The following ADGRF3 variants were observed in gnomAD, a reference collection of about 807,000 sequenced individuals.
ADGRF3 encodes adhesion G protein-coupled receptor F3.
A neutral mutation model predicts 93.2 loss-of-function variants in ADGRF3; 85 were observed. The ratio of observed to expected loss-of-function variants is 0.91; its 90% confidence interval spans 0.77 to 1.09. ADGRF3 has a LOEUF of 1.09. ADGRF3 is among the 50% of genes least tolerant of loss of function. ADGRF3 has a pLI of 0.00. For synonymous variants in ADGRF3, 534 were observed against 532.5 expected (o/e 1.00, Z -0.04); for missense variants, 1,125 against 1,246.2 (o/e 0.90, Z 1.46).
chr2:26,321,946 C>G (rs1675171382), intron 1 of ADGRF3, among the ~76,000 whole-genome samples: 1 of 138,268 alleles, frequency 7.2e-6, no homozygotes, highest in Non-Finnish European at 1.5e-5. Context: ...GCACTCCAGC[C>G]TGGGTGACAG....
intron 1 of ADGRF3, 71 bp downstream of exon 1, chr2:26,346,050 G>C: frequency 6.9e-7 from 1 of 1,457,042 alleles, no homozygotes; most frequent in Non-Finnish European, 9.2e-7. Flanking sequence ...GGCTGCGCTT[G>C]CGCACTGAGA....
intron 4 of ADGRF3, among the ~76,000 whole-genome samples, 179 bp from the exon 5 acceptor site, chr2:26,315,919 T>C (rs1168146584): frequency 2.0e-5 from 3 of 152,198 alleles, no homozygotes; most frequent in Non-Finnish European, 4.4e-5. Flanking sequence ...CAATCCAGCC[T>C]GGAAGACTCT....
At chr2:26,329,851 C>A (rs1462901435) in intron 1 of ADGRF3, among the ~76,000 whole-genome samples, 1 of 152,126 alleles carries the variant, frequency 6.6e-6, no homozygotes, top group African/African-American at 2.4e-5. Flanking sequence ...ACTTATGGCA[C>A]TTTTGTAATA....
intron 1 of ADGRF3, among the ~76,000 whole-genome samples, chr2:26,331,320 C>T (rs1000044547): frequency 6.6e-6 from 1 of 152,080 alleles, no homozygotes; most frequent in South Asian, 2.1e-4. Context: ...GAGGCCGAGG[C>T]GGGTGGATCA....
At chr2:26,309,326 A>G (rs1673825706) in intron 13 of ADGRF3, 200 bp downstream of exon 13, 1 of 1,491,150 alleles carries the variant, frequency 6.7e-7, no homozygotes, top group African/African-American at 1.4e-5. Flanking sequence ...ATAAGGTGCT[A>G]TGCTTTCTGC....
intron 1 of ADGRF3, among the ~76,000 whole-genome samples, chr2:26,334,899 C>T (rs1255594807): frequency 1.3e-5 from 2 of 152,214 alleles, no homozygotes; most frequent in Non-Finnish European, 2.9e-5. Flanking sequence ...ACACCGAATT[C>T]ATGACATCCT....
In ADGRF3 at chr2:26,313,837, T is replaced by A. The variant is rs771548474; in HGVS notation, c.995A>T (p.Asp332Val). The change falls in exon 7 of 14, where the codon GAC becomes GTC. Residue 332 changes from aspartate to valine, a missense_variant. By Grantham distance (152) the Asp-to-Val change is radical. Transcript: ENST00000651242. ...CTGCAGGTCACAAGCGTACGTGGTG[T>A]CAGCCATCGGGCAGCGCTGAACAGC... Reference protein sequence around the residue: ...VLAVQRCPMADTTYACDLQSL... With the variant: ...VLAVQRCPMAVTTYACDLQSL... 1 of 1,613,948 alleles carries A rather than the reference T, an allele frequency of 6.2e-7. No individual in the cohort carries two copies. The highest frequency in any genetic ancestry group is 8.5e-7 in the Non-Finnish European group (1 of 1,179,862).
rs115141339 is a variant in ADGRF3, at chr2:26,308,594, T to C, written c.*492A>G. On this transcript the variant is annotated 3_prime_UTR_variant, in exon 14 of 14. Coordinates refer to ENST00000651242, the MANE Select transcript of ADGRF3 (RefSeq NM_001321971.2). ...AATTAACTTCACCTTTTCCTAAACT[T>C]GAAAAGACAAACCAAATTCTGCCCT... The C allele has an allele frequency of 4.9e-3, 753 of 153,996 alleles. 2 individuals carry two copies. The highest frequency in any genetic ancestry group is 9.6e-3 in the South Asian group (47 of 4,902). 9.5% of individuals were successfully genotyped at this position (153,996 alleles called of 1,614,324 possible). A position where few individuals can be genotyped will look rare whatever the true frequency, so the allele number is the denominator to read the frequency against.
chr2:26,331,814 G>A (rs1360114031), intron 1 of ADGRF3, among the ~76,000 whole-genome samples: 8 of 151,678 alleles, frequency 5.3e-5, no homozygotes, highest in Non-Finnish European at 1.0e-4. Flanking sequence ...ACATATTTTG[G>A]TTTAGTTTTT....
At chr2:26,343,075 GGTTT>G (rs1238550304) in intron 1 of ADGRF3, among the ~76,000 whole-genome samples, 2 of 152,126 alleles carry the variant, frequency 1.3e-5, no homozygotes, top group African/African-American at 4.8e-5. Context: ...CAGCGCGGTA[GGTTT>G]GTTTACACTA....
chr2:26,324,784 C>A (rs1217492093), intron 1 of ADGRF3, among the ~76,000 whole-genome samples: 1 of 152,150 alleles, frequency 6.6e-6, no homozygotes, highest in African/African-American at 2.4e-5. Context: ...CAATGAACAT[C>A]CACATGCATA....
At position 26,311,547 on chromosome 2, in the gene ADGRF3, C is replaced by G; in HGVS notation, c.1977G>C (p.Gly659=). ...FWDHSLFQGR[G]GWSKEGCQAQ... ...CCTGGCACCCTTCTTTGGACCAACC[C>G]CCCCTGCCCTGGAAGAGACTGTGAT... Residue 659 remains glycine, a synonymous_variant, in exon 10 of 14, where the codon GGG becomes GGC. Transcript: ENST00000651242. 1 of 1,614,018 alleles carries G rather than the reference C, an allele frequency of 6.2e-7. No homozygotes were observed. The highest frequency in any genetic ancestry group is 8.5e-7 in the Non-Finnish European group (1 of 1,179,898).
rs1238792038 is a variant in ADGRF3 at position 26,312,989 on chromosome 2, T to G, written c.1403A>C (p.Lys468Thr). Residue 468 changes from lysine to threonine, a missense_variant, in exon 9 of 14, where the codon AAG becomes ACG. Physicochemically the swap from Lys to Thr is moderately conservative, Grantham distance 78. Transcript: ENST00000651242. ...TLLSTMKYVA[K>T]VVAEARIQLD... ...CTGTATTCTGGCCTCTGCCACCACC[T>G]TGGCCACGTATTTCATGGTGCTCAG... 2 of 1,613,862 alleles carry G rather than the reference T, an allele frequency of 1.2e-6. No individual in the cohort carries two copies. The highest frequency in any genetic ancestry group is 3.3e-5 in the Admixed American group (2 of 60,022).
chr2:26,315,796 G>T (rs1291413030), intron 4 of ADGRF3, 56 bp from the exon 5 acceptor site: 4 of 1,546,400 alleles, frequency 2.6e-6, no homozygotes, highest in Non-Finnish European at 3.5e-6. Context: ...GCCCTCAGAT[G>T]CAGCCGAGCA....
chr2:26,313,639 A>C (rs1674392441), intron 7 of ADGRF3, 66 bp from the exon 8 acceptor site: 4 of 1,563,042 alleles, frequency 2.6e-6, no homozygotes, highest in African/African-American at 2.7e-5. Context: ...CTTGGGCAGA[A>C]CCCTATGCGG....
intron 12 of ADGRF3, 134 bp from the exon 13 acceptor site, chr2:26,309,715 T>A: frequency 7.6e-7 from 1 of 1,310,386 alleles, no homozygotes; most frequent in Non-Finnish European, 1.1e-6. Flanking sequence ...AATTTTGCTC[T>A]CAGCTACAGT....
At chr2:26,338,913 G>A (rs533679700) in intron 1 of ADGRF3, among the ~76,000 whole-genome samples, 5 of 151,710 alleles carry the variant, frequency 3.3e-5, no homozygotes, top group East Asian at 3.9e-4. Context: ...TGGGGTGGGC[G>A]GATCACAAAG....
intron 1 of ADGRF3, among the ~76,000 whole-genome samples, chr2:26,323,935 A>G (rs1479846818): frequency 6.6e-6 from 1 of 151,504 alleles, no homozygotes; most frequent in African/African-American, 2.4e-5. Context: ...GGCCTCCATT[A>G]CCTCTTATAG....
rs147400327 is a variant in ADGRF3, at chr2:26,314,223, A to G, written c.928+191T>C. 8.7e-4 allele frequency among the ~76,000 whole-genome samples: 133 copies of G among 152,280 alleles called. 1 individual carries two copies. Among genetic ancestry groups the G allele is most frequent in the Non-Finnish European group, 1.6e-3 (112 of 68,016 alleles). On this transcript the variant is annotated intron_variant, in intron 6 of 13. Transcript: ENST00000651242. The stretch of plus-strand genomic sequence containing the variant: ...TGACAGCATTTTGCAAAAGTTTCCT[A>G]TACACATGTGGTTATGTTATGGCAA...
Sources: allele counts gnomAD v4.1 joint callset (sites outside exome capture counted in the v4.1 genomes callset), GRCh38; gene constraint gnomAD v4.1.1; transcripts MANE v1.5; gene names NCBI Gene and HGNC (gene_info 2026-07-23, HGNC 2026-07-21).